Variants in PLSCR2 observed in about 807,000 individuals in gnomAD.
The protein encoded by PLSCR2 is phospholipid scramblase 2, also known as PL scramblase 2.
In PLSCR2, 18 loss-of-function variants were observed where a neutral mutation model predicts 25.3. The ratio of observed to expected loss-of-function variants is 0.71; its 90% CI spans 0.49 to 1.06. PLSCR2 has a LOEUF of 1.06. Among genes scored for constraint, PLSCR2 ranks in the 50% least tolerant of loss-of-function variants. The pLI, the probability that PLSCR2 is intolerant of heterozygous loss-of-function variation, is 0.00. For missense variants in PLSCR2, 243 were observed against 269.5 expected, an observed-to-expected ratio of 0.90 and a Z score of 0.69; for synonymous variants, 88 against 87.3, an observed-to-expected ratio of 1.01 and a Z score of -0.04.
intron 1 of PLSCR2, among the ~76,000 whole-genome samples, chr3:146,485,658 C>A (rs1285097129): frequency 6.6e-6 from 1 of 152,108 alleles, no homozygotes; most frequent in African/African-American, 2.4e-5. Context: ...CACTCAAAAC[C>A]ATACAGCTAT....
intron 1 of PLSCR2, among the ~76,000 whole-genome samples, chr3:146,476,876 G>C (rs376262215): frequency 2.5e-3 from 388 of 152,334 alleles, no homozygotes; most frequent in African/African-American, 8.1e-3. Context: ...GAGCCCCTAG[G>C]GGGAAGGATA....
intron 2 of PLSCR2, among the ~76,000 whole-genome samples, chr3:146,413,591 G>A (rs532020955): frequency 5.9e-5 from 9 of 152,142 alleles, no homozygotes; most frequent in Non-Finnish European, 1.2e-4. Flanking sequence ...CAAGTTCTCT[G>A]CAACTGTGTA....
intron 2 of PLSCR2, among the ~76,000 whole-genome samples, chr3:146,398,065 G>C (rs929114406): frequency 1.3e-5 from 2 of 151,850 alleles, no homozygotes; most frequent in Admixed American, 1.3e-4. Context: ...ATGAAAGTTA[G>C]GGAAGTATGG....
chr3:146,392,111 T>C (rs1047709139), intron 3 of PLSCR2, among the ~76,000 whole-genome samples: 7 of 152,164 alleles, frequency 4.6e-5, no homozygotes, highest in African/African-American at 1.4e-4. Flanking sequence ...AGATGTCTCA[T>C]AATGTATTTA....
At chr3:146,429,858 C>T (rs560006920), downstream of PLSCR2, among the ~76,000 whole-genome samples, 79 of 152,170 alleles carry the variant, frequency 5.2e-4, no homozygotes, top group African/African-American at 1.8e-3. Context: ...ATCTCCTGAC[C>T]GTGTGATCCG....
At chr3:146,429,538 A>G (rs1032354181), downstream of PLSCR2, among the ~76,000 whole-genome samples, 2 of 152,214 alleles carry the variant, frequency 1.3e-5, no homozygotes, top group Non-Finnish European at 2.9e-5. Context: ...GAAATTTCTA[A>G]GCAGCAAAGC....
At chr3:146,431,335 C>T (rs989782874), downstream of PLSCR2, among the ~76,000 whole-genome samples, 2 of 152,078 alleles carry the variant, frequency 1.3e-5, no homozygotes, top group African/African-American at 4.8e-5. Context: ...TATCTTTTGC[C>T]TGAAAGTTTT....
At chr3:146,474,513 G>C (rs1036418142) in intron 1 of PLSCR2, among the ~76,000 whole-genome samples, 3 of 152,082 alleles carry the variant, frequency 2.0e-5, no homozygotes, top group African/African-American at 7.2e-5. Context: ...GTTTTTATCT[G>C]ATGGGCTTCC....
intron 1 of PLSCR2, among the ~76,000 whole-genome samples, chr3:146,482,608 A>G (rs934059009): frequency 3.3e-5 from 5 of 152,196 alleles, no homozygotes; most frequent in African/African-American, 4.8e-5. Flanking sequence ...AGAAATAGGA[A>G]CACTTTTACA....
intron 1 of PLSCR2, among the ~76,000 whole-genome samples, chr3:146,493,238 C>T (rs1292642724): frequency 1.3e-5 from 2 of 152,074 alleles, no homozygotes; most frequent in East Asian, 1.9e-4. Flanking sequence ...TGATAACAGT[C>T]CCACTGGAAC....
chr3:146,476,714 A>T (rs1362496666), intron 1 of PLSCR2, among the ~76,000 whole-genome samples: 2 of 152,236 alleles, frequency 1.3e-5, no homozygotes, highest in Admixed American at 1.3e-4. Flanking sequence ...CACTCCCCAT[A>T]GTACAGCACA....
intron 1 of PLSCR2, among the ~76,000 whole-genome samples, chr3:146,478,929 G>A (rs2043030658): frequency 6.6e-6 from 1 of 152,172 alleles, no homozygotes; most frequent in Admixed American, 6.5e-5. Context: ...AAGAGAGTGG[G>A]GGCCGATATT....
chr3:146,405,254 G>A (rs1003529173), intron 2 of PLSCR2, among the ~76,000 whole-genome samples: 2 of 152,180 alleles, frequency 1.3e-5, no homozygotes, highest in Non-Finnish European at 2.9e-5. Flanking sequence ...TCCAGGTGCA[G>A]GGGCTTTAAG....
chr3:146,431,876 A>G (rs2108126081), downstream of PLSCR2, among the ~76,000 whole-genome samples: 1 of 151,838 alleles, frequency 6.6e-6, no homozygotes, highest in Admixed American at 6.6e-5. Flanking sequence ...AAAAAAAAAA[A>G]AAGACTTTAT....
At chr3:146,409,529 G>T (rs2038775016) in intron 2 of PLSCR2, among the ~76,000 whole-genome samples, 1 of 152,104 alleles carries the variant, frequency 6.6e-6, no homozygotes, top group Non-Finnish European at 1.5e-5. Flanking sequence ...AAACTGATCA[G>T]GGTGGCCGGG....
At chr3:146,488,637 C>A (rs2043432843) in intron 1 of PLSCR2, among the ~76,000 whole-genome samples, 2 of 152,026 alleles carry the variant, frequency 1.3e-5, no homozygotes, top group Non-Finnish European at 2.9e-5. Context: ...CCATCTCATG[C>A]CAGTCAGAAT....
At chr3:146,478,694 C>T (rs2043020511) in intron 1 of PLSCR2, among the ~76,000 whole-genome samples, 1 of 152,182 alleles carries the variant, frequency 6.6e-6, no homozygotes, top group Admixed American at 6.5e-5. Context: ...AGGAGAACTT[C>T]CCCAACCTAG....
exon 4 of PLSCR2, chr3:146,455,439 T>G (rs775954281): frequency 6.2e-7 from 1 of 1,607,548 alleles, no homozygotes; most frequent in South Asian, 1.1e-5. Flanking sequence ...TACATGTTAC[T>G]ACTTTCAAAA....
intron 2 of PLSCR2, among the ~76,000 whole-genome samples, chr3:146,420,601 G>A (rs1231097949): frequency 6.6e-6 from 1 of 151,870 alleles, no homozygotes; most frequent in Non-Finnish European, 1.5e-5. Flanking sequence ...ACTTTAAATT[G>A]TTGCTCTATT....
Sources: gnomAD v4.1 joint callset for allele counts (sites outside exome capture counted in the v4.1 genomes callset) on GRCh38, gnomAD v4.1.1 for gene constraint, MANE v1.5 for transcripts, NCBI Gene and HGNC (gene_info 2026-07-23, HGNC 2026-07-21) for gene names.